The following ZZEF1 variants were observed in gnomAD, a reference collection of about 807,000 sequenced individuals.
ZZEF1 encodes the protein zinc finger ZZ-type and EF-hand domain-containing protein 1.
A neutral mutation model predicts 342.8 loss-of-function variants in ZZEF1; 157 were observed. That is an observed-to-expected ratio of 0.46 (90% confidence interval 0.40 to 0.52). ZZEF1 has a LOEUF of 0.52. Ranked by LOEUF, ZZEF1 falls within the 20% of genes least tolerant of loss-of-function variation. ZZEF1 has a pLI of 0.00. For missense variants in ZZEF1, 3,480 were observed against 3,725.6 expected (o/e 0.93, Z 1.72); for synonymous variants, 1,505 against 1,429.1 (o/e 1.05, Z -1.20).
chr17:4,057,758 C>G (rs780174569), intron 32 of ZZEF1, among the ~76,000 whole-genome samples: 3 of 152,212 alleles, frequency 2.0e-5, no homozygotes, highest in Non-Finnish European at 4.4e-5. Flanking sequence ...AACTCAGGTA[C>G]TCATCACAAC....
chr17:4,123,024 A>G (rs2058509803), intron 2 of ZZEF1, among the ~76,000 whole-genome samples: 1 of 148,090 alleles, frequency 6.8e-6, no homozygotes, highest in African/African-American at 2.5e-5. Flanking sequence ...GGTTAACGCC[A>G]TTCTCCTGCC....
chr17:4,024,665 G>A (rs553454685), intron 43 of ZZEF1, among the ~76,000 whole-genome samples: 5 of 152,244 alleles, frequency 3.3e-5, no homozygotes, highest in East Asian at 3.9e-4. Context: ...TTTTCTTCTC[G>A]TCTGACAAAG....
At chr17:4,115,438 G>A (rs1362282860) in intron 3 of ZZEF1, among the ~76,000 whole-genome samples, 9 of 152,128 alleles carry the variant, frequency 5.9e-5, no homozygotes, top group Non-Finnish European at 8.8e-5. Flanking sequence ...CAAGGCAGGC[G>A]GATCACTTGA....
Position 4,042,440 on chromosome 17 carries a change from G to A in ZZEF1, c.6295C>T (p.Pro2099Ser). ...TAAATTGCCCTTACCGACTTTAAGG[G>A]AGGTAACATGGCTGCTAGTAATCCC... ...ILGLLAAMLP[P>S]LKSGPTVPLI... Residue 2099 changes from proline (P) to serine (S), a missense_variant, in exon 39 of 55, where the codon CCC becomes TCC. Pro to Ser is a moderately conservative substitution (Grantham distance 74). Around this residue, in one of 5 missense-constraint regions of ZZEF1, gnomAD observed 1,269 missense variants for 1,342.4 expected, o/e 0.95. Coordinates refer to ENST00000381638, the MANE Select transcript of ZZEF1 (RefSeq NM_015113.4). 1 of 1,612,936 alleles carries A rather than the reference G, an allele frequency of 6.2e-7. No homozygotes were observed. The highest frequency in any genetic ancestry group is 8.5e-7 in the Non-Finnish European group (1 of 1,179,680).
chr17:4,021,973 C>T (rs1597770980), intron 44 of ZZEF1, among the ~76,000 whole-genome samples: 1 of 150,658 alleles, frequency 6.6e-6, no homozygotes, highest in African/African-American at 2.4e-5. Flanking sequence ...CAATATAGTT[C>T]TAATAATAAA....
Position 4,082,834 on chromosome 17 carries a change from G to A in ZZEF1, c.2647-330C>T, listed in dbSNP as rs550898854. 2.0e-5 allele frequency among the ~76,000 whole-genome samples: 3 copies of A among 152,224 alleles called. No individual in the cohort carries two copies. The East Asian group carries it at 5.8e-4, about 29-fold the overall frequency. ...CTTGTTGCCTGGGCTGGAGTGCAAT[G>A]GCGCGATCTCAGCTCACTACAACTT... is the stretch of plus-strand genomic sequence containing the variant. On this transcript the variant is annotated intron_variant, in intron 16 of 54. Coordinates refer to ENST00000381638, the MANE Select transcript of ZZEF1 (RefSeq NM_015113.4).
chr17:4,012,129 G>C (rs1003981487), intron 52 of ZZEF1, among the ~76,000 whole-genome samples: 1 of 152,228 alleles, frequency 6.6e-6, no homozygotes, highest in South Asian at 2.1e-4. Flanking sequence ...CTGCAGGCAA[G>C]AAGGGCCCAC....
intron 42 of ZZEF1, among the ~76,000 whole-genome samples, chr17:4,031,145 T>C (rs1346793360): frequency 6.6e-6 from 1 of 152,038 alleles, no homozygotes; most frequent in Non-Finnish European, 1.5e-5. Flanking sequence ...TAAAATCTCA[T>C]CTCTACTAAA....
Position 4,052,002 on chromosome 17 carries a change from C to T in ZZEF1, c.5569G>A (p.Gly1857Arg), listed in dbSNP as rs763991730. ...NVCDDFDLCY[G>R]CYAAKKYSYG... ...GAGTATTTCTTCGCTGCATAGCATC[C>T]GTAGCAAAGATCAAAGTCATCGCAA... Residue 1857 changes from glycine (G) to arginine (R), a missense_variant, in exon 35 of 55, where the codon GGA (glycine) becomes AGA (arginine). This residue lies in a region of ZZEF1 where 175 missense variants were observed against 254.6 expected (regional missense o/e 0.69). Coordinates refer to ENST00000381638, the MANE Select transcript of ZZEF1 (RefSeq NM_015113.4). The T allele has an allele frequency of 8.1e-6, 13 of 1,613,980 alleles. No individual in the cohort carries two copies. The highest frequency in any genetic ancestry group is 1.1e-5 in the South Asian group (1 of 91,080).
intron 42 of ZZEF1, among the ~76,000 whole-genome samples, chr17:4,028,657 A>T (rs542063404): frequency 1.3e-3 from 199 of 152,290 alleles, no homozygotes; most frequent in African/African-American, 3.4e-3. Flanking sequence ...TGGATTTTTT[A>T]AAAAAAGACA....
intron 1 of ZZEF1, among the ~76,000 whole-genome samples, chr17:4,126,428 T>C (rs887398020): frequency 1.3e-5 from 2 of 152,080 alleles, no homozygotes; most frequent in African/African-American, 4.8e-5. Flanking sequence ...GGGGTGTGTG[T>C]GTTTTAAGCA....
At chr17:4,116,509 T>C (rs1293708182) in intron 3 of ZZEF1, among the ~76,000 whole-genome samples, 2 of 152,224 alleles carry the variant, frequency 1.3e-5, no homozygotes, top group African/African-American at 4.8e-5. Context: ...TGAACTTCTG[T>C]TGCCATCTCC....
chr17:4,056,634 CCTA>C (rs1181042540), intron 32 of ZZEF1: 1 of 183,442 alleles, frequency 5.5e-6, no homozygotes, highest in Non-Finnish European at 1.1e-5. Flanking sequence ...TTATGGTGAA[CCTA>C]CTATGTGCCA....
intron 2 of ZZEF1, among the ~76,000 whole-genome samples, chr17:4,119,793 C>T (rs1484151506): frequency 6.6e-6 from 1 of 152,222 alleles, no homozygotes; most frequent in Non-Finnish European, 1.5e-5. Flanking sequence ...AACTTAGGAG[C>T]ACCAACCAAC....
intron 30 of ZZEF1, among the ~76,000 whole-genome samples, chr17:4,060,655 C>T (rs1230563236): frequency 1.3e-5 from 2 of 151,704 alleles, no homozygotes; most frequent in African/African-American, 2.4e-5. Flanking sequence ...CTGATGCCAC[C>T]ACTACCTCCT....
rs1253982984 is a variant in ZZEF1 at position 4,032,927 on chromosome 17, A to G, written c.6660T>C (p.Asp2220=). The G allele has an allele frequency of 6.2e-7, 1 of 1,613,206 alleles. No homozygotes were observed. The highest frequency in any genetic ancestry group is 8.5e-7 in the Non-Finnish European group (1 of 1,179,604). The change falls in exon 41 of 55, where the codon GAT becomes GAC. Residue 2220 remains aspartate, a synonymous_variant. Coordinates refer to ENST00000381638, the MANE Select transcript of ZZEF1 (RefSeq NM_015113.4). ...RSLNSAPLWR[D]VIATFTDHCI... ...AGTGGTCTGTGAAGGTGGCAATGAC[A>G]TCACGCCACAGTGGGGCACTGTTGA...
At chr17:4,045,512 A>G (rs1037033351) in intron 37 of ZZEF1, among the ~76,000 whole-genome samples, 3 of 152,226 alleles carry the variant, frequency 2.0e-5, no homozygotes, top group Admixed American at 1.3e-4. Context: ...TATGATGAAG[A>G]TAAGACTACA....
At chr17:4,088,208 A>G (rs1200500186) in intron 13 of ZZEF1, among the ~76,000 whole-genome samples, 1 of 152,214 alleles carries the variant, frequency 6.6e-6, no homozygotes, top group East Asian at 1.9e-4. Context: ...TCACTGTGTT[A>G]TATTACTGAC....
intron 28 of ZZEF1, among the ~76,000 whole-genome samples, chr17:4,065,831 A>C (rs954315574): frequency 3.3e-5 from 5 of 152,176 alleles, no homozygotes; most frequent in Non-Finnish European, 7.3e-5. Flanking sequence ...GTGTGAGCAC[A>C]CTTTAAAATC....
Sources: allele counts gnomAD v4.1 joint callset (sites outside exome capture counted in the v4.1 genomes callset), GRCh38; gene constraint gnomAD v4.1.1; regional missense constraint gnomAD v4.1.1; transcripts MANE v1.5; gene names NCBI Gene and HGNC (gene_info 2026-07-23, HGNC 2026-07-21).